SLC39A12: variants seen among roughly 807,000 people sequenced by gnomAD.
SLC39A12 encodes solute carrier family 39 member 12.
SLC39A12 carries 63 observed loss-of-function variants against 71.1 expected under a neutral mutation model. The ratio of observed to expected loss-of-function variants is 0.89; its 90% CI spans 0.72 to 1.09. SLC39A12 has a LOEUF of 1.09. Among genes scored for constraint, SLC39A12 ranks in the 50% least tolerant of loss-of-function variants. The pLI is 0.00. For synonymous variants in SLC39A12, 351 were observed against 301.3 expected (o/e 1.16, Z -1.71); for missense variants, 892 against 812.6 (o/e 1.10, Z -1.19).
At chr10:18,032,921 T>C (rs1836891334) in intron 12 of SLC39A12, among the ~76,000 whole-genome samples, 1 of 130,702 alleles carries the variant, frequency 7.7e-6, no homozygotes, top group African/African-American at 3.0e-5. Flanking sequence ...GTGGTTTTTG[T>C]CTTTGGCTCT....
intron 2 of SLC39A12, 130 bp from the exon 3 acceptor site, chr10:17,961,451 A>G (rs782623430): frequency 4.7e-6 from 4 of 847,790 alleles, no homozygotes; most frequent in East Asian, 5.2e-5. Context: ...GAATCTGGCT[A>G]TTGGTCCTGC....
Position 17,985,463 on chromosome 10 carries a change from A to C in SLC39A12, c.1097-2016A>C, listed in dbSNP as rs1207420572. Among the ~76,000 whole-genome samples, 3 of 150,382 alleles carry C rather than the reference A, an allele frequency of 2.0e-5. No homozygotes were observed. In the East Asian group the frequency reaches 5.8e-4, roughly 29 times the overall value. Reference sequence around the variant, plus strand: ...TTTAAGAGGATAGTTTTTTTTTTTCAAAAAAATTGCAATGAGCTTTAGGTA... The same window carrying C: ...TTTAAGAGGATAGTTTTTTTTTTTCCAAAAAATTGCAATGAGCTTTAGGTA... On this transcript the variant is annotated intron_variant, in intron 6 of 12. Transcript: ENST00000377369.
intron 12 of SLC39A12, among the ~76,000 whole-genome samples, chr10:18,041,547 C>T (rs2130912626): frequency 7.0e-6 from 1 of 142,746 alleles, no homozygotes; most frequent in South Asian, 2.2e-4. Flanking sequence ...CACACACACA[C>T]ACACACACAC....
At chr10:17,970,540 G>A (rs1834940515) in intron 4 of SLC39A12, among the ~76,000 whole-genome samples, 1 of 151,714 alleles carries the variant, frequency 6.6e-6, no homozygotes, top group African/African-American at 2.4e-5. Flanking sequence ...TTTATTTGTG[G>A]CTATTGTAAA....
rs376946534 is a variant in SLC39A12, at chr10:17,995,711, C to T, written c.1589C>T (p.Ser530Phe). Residue 530 changes from serine to phenylalanine, a missense_variant, in exon 10 of 13, where the codon TCC (serine) becomes TTC (phenylalanine). Ser to Phe is a radical substitution (Grantham distance 155, BLOSUM62 -2). Coordinates refer to ENST00000377369, the MANE Select transcript of SLC39A12 (RefSeq NM_001145195.2). ...AEMPIGSMTA[S>F]NRKCKAISLL... ...ATGCCTATAGGCAGTATGACAGCCT[C>T]CAACAGAAAATGTGAGTACCAAGCT... The T allele has an allele frequency of 3.8e-5, 61 of 1,612,662 alleles. No homozygotes were observed. The highest frequency in any genetic ancestry group is 4.6e-5 in the Non-Finnish European group (54 of 1,179,504).
chr10:18,039,587 G>T (rs956823673), intron 12 of SLC39A12, among the ~76,000 whole-genome samples: 1 of 145,654 alleles, frequency 6.9e-6, no homozygotes, highest in East Asian at 2.1e-4. Flanking sequence ...AATTAGCTGG[G>T]TAGGGTAGTA....
rs1185100067 is a variant in SLC39A12, at chr10:17,978,084, T to C, written c.924+10T>C. The C allele has an allele frequency of 6.5e-7, 1 of 1,542,902 alleles. No homozygotes were observed. The highest frequency in any genetic ancestry group is 8.7e-7 in the Non-Finnish European group (1 of 1,152,578). On this transcript the variant is annotated intron_variant, in intron 5 of 12. Coordinates refer to ENST00000377369, the MANE Select transcript of SLC39A12 (RefSeq NM_001145195.2). Reference sequence around the variant, plus strand: ...AGTTTCCTGGGATCAGGTATTGCCATTGTTTCTCTTATTCAAGCATTTGCT... The same window carrying C: ...AGTTTCCTGGGATCAGGTATTGCCACTGTTTCTCTTATTCAAGCATTTGCT...
At chr10:17,960,594 TA>T (rs1412598026) in intron 2 of SLC39A12, among the ~76,000 whole-genome samples, 1 of 152,232 alleles carries the variant, frequency 6.6e-6, no homozygotes, top group Non-Finnish European at 1.5e-5. Context: ...AATCTGCTGT[TA>T]GTGGACCACA....
Position 18,029,196 on chromosome 10 carries a change from C to T in SLC39A12, c.1948-13509C>T, listed in dbSNP as rs529556723. 1.2e-4 allele frequency among the ~76,000 whole-genome samples: 18 copies of T among 152,224 alleles called. No homozygotes were observed. The South Asian group carries it at 3.7e-3, about 32-fold the overall frequency. ...CAAAACATTTTCTTAATGTCACTTTCTAAAATGTTCAGAAATGCTACTTAG... is the reference window on the plus strand; with the variant it reads ...CAAAACATTTTCTTAATGTCACTTTTTAAAATGTTCAGAAATGCTACTTAG... On this transcript the variant is annotated intron_variant, in intron 12 of 12. Transcript: ENST00000377369.
chr10:17,953,673 A>G (rs1188288756), intron 2 of SLC39A12, 136 bp downstream of exon 2: 1 of 1,082,266 alleles, frequency 9.2e-7, no homozygotes, highest in Non-Finnish European at 1.3e-6. Flanking sequence ...TTCTGGTAAA[A>G]TAATTTCCAT....
chr10:17,961,760 A>G lies in SLC39A12; in HGVS notation c.441A>G (p.Leu147=). 6.2e-7 allele frequency: 1 copy of G among 1,614,096 alleles called. No individual in the cohort carries two copies. Among genetic ancestry groups the G allele is most frequent in the Non-Finnish European group, 8.5e-7 (1 of 1,179,938 alleles). The part of the protein sequence containing the change: ...NKEYKFYLHS[L]LSLRQDEDSS... ...AGTATAAATTTTACCTACACAGCCT[A>G]CTGAGCCTCAGGCAGGATGAAGATT... is the stretch of plus-strand genomic sequence containing the variant. The change falls in exon 3 of 13, where the codon CTA becomes CTG. Residue 147 remains leucine, a synonymous_variant. Coordinates refer to ENST00000377369, the MANE Select transcript of SLC39A12 (RefSeq NM_001145195.2).
chr10:17,998,156 TAC>T (rs1353421221), intron 10 of SLC39A12, among the ~76,000 whole-genome samples: 1 of 152,214 alleles, frequency 6.6e-6, no homozygotes, highest in Non-Finnish European at 1.5e-5. Context: ...TTAAGAAATA[TAC>T]ACAGTGTGTT....
chr10:17,990,020 C>A (rs888941796), intron 7 of SLC39A12, among the ~76,000 whole-genome samples: 2 of 152,136 alleles, frequency 1.3e-5, no homozygotes, highest in African/African-American at 2.4e-5. Context: ...AGTTTTCAAA[C>A]GTCTGCACAG....
chr10:17,961,827 T>G lies in SLC39A12; in HGVS notation c.508T>G (p.Phe170Val). Residue 170 changes from phenylalanine to valine, a missense_variant, in exon 3 of 13, where the codon TTC becomes GTC. Transcript: ENST00000377369. ...SQNETEDILA[F>V]TRQYFDTSQS... ...GAATGAGACAGAAGATATCTTGGCT[T>G]TCACCAGGCAGTACTTTGACACTTC... The G allele has an allele frequency of 1.2e-6, 2 of 1,613,986 alleles. No individual in the cohort carries two copies. The highest frequency in any genetic ancestry group is 1.7e-6 in the Non-Finnish European group (2 of 1,179,960).
intron 12 of SLC39A12, 78 bp from the exon 13 acceptor site, chr10:18,042,627 G>A (rs878912703): frequency 3.7e-5 from 52 of 1,417,662 alleles, no homozygotes; most frequent in African/African-American, 2.3e-4. Context: ...AATAACAGTC[G>A]CTCATGTTTT....
chr10:18,015,636 T>A, intron 12 of SLC39A12, among the ~76,000 whole-genome samples: 1 of 71,594 alleles, frequency 1.4e-5, no homozygotes, highest in Non-Finnish European at 2.9e-5. Context: ...TCCTTCTTTT[T>A]TATTTTTAAA....
intron 12 of SLC39A12, among the ~76,000 whole-genome samples, chr10:18,015,620 A>C (rs376668370): frequency 7.9e-6 from 1 of 127,256 alleles, no homozygotes; most frequent in Non-Finnish European, 1.6e-5. Flanking sequence ...AATATGCTTT[A>C]GTTTTTCCTT....
In SLC39A12 at chr10:17,961,954, G is replaced by T. The variant is rs1177969147; in HGVS notation, c.543+92G>T. Reference sequence around the variant, plus strand: ...CCTTATTTATTTCTAAGACATTCAAGGACTTCTAAGGGAGGTAAGTATTTG... The same window carrying T: ...CCTTATTTATTTCTAAGACATTCAATGACTTCTAAGGGAGGTAAGTATTTG... On this transcript the variant is annotated intron_variant, in intron 3 of 12. Coordinates refer to ENST00000377369, the MANE Select transcript of SLC39A12 (RefSeq NM_001145195.2). The T allele has an allele frequency of 2.3e-6, 3 of 1,281,872 alleles. No homozygotes were observed. In the East Asian group the frequency reaches 7.1e-5, roughly 30 times the overall value. 79.4% of individuals were successfully genotyped at this position (1,281,872 alleles called of 1,614,324 possible).
intron 12 of SLC39A12, among the ~76,000 whole-genome samples, chr10:18,013,623 C>T (rs1250250446): frequency 1.3e-5 from 2 of 152,188 alleles, no homozygotes; most frequent in African/African-American, 2.4e-5. Flanking sequence ...CCTCTTGCCT[C>T]AGCCTCCCAA....
Sources: allele counts gnomAD v4.1 joint callset (sites outside exome capture counted in the v4.1 genomes callset), GRCh38; gene constraint gnomAD v4.1.1; transcripts MANE v1.5; gene names NCBI Gene and HGNC (gene_info 2026-07-23, HGNC 2026-07-21).